The following AFG2A variants were observed in gnomAD, a reference collection of about 807,000 sequenced individuals.
The protein encoded by AFG2A is AAA ATPase AFG2A, also known as ATPase family gene 2 protein homolog A.
chr4:122,963,583 C>A, the AFG2A span, among the ~76,000 whole-genome samples: 1 of 152,108 alleles, frequency 6.6e-6, no homozygotes, highest in Non-Finnish European at 1.5e-5. Context: ...CCCAAGATCA[C>A]ACAGGTAATA....
the AFG2A span, among the ~76,000 whole-genome samples, chr4:123,139,358 T>C: frequency 6.6e-6 from 1 of 152,118 alleles, no homozygotes; most frequent in East Asian, 1.9e-4. Flanking sequence ...CCTGTAGTTT[T>C]GTTTTCTTTC....
chr4:122,982,496 G>A, the AFG2A span, among the ~76,000 whole-genome samples: 2 of 152,102 alleles, frequency 1.3e-5, no homozygotes, highest in Non-Finnish European at 2.9e-5. Context: ...ATTAATGCTG[G>A]CCTCATAAAG....
chr4:123,039,131 A>G, the AFG2A span, among the ~76,000 whole-genome samples: 455 of 152,212 alleles, frequency 3.0e-3, 2 homozygotes, highest in African/African-American at 1.0e-2. Flanking sequence ...AACAATGACC[A>G]TTTTTCCAGG....
At chr4:123,100,899 T>C in the AFG2A span, among the ~76,000 whole-genome samples, 1 of 152,112 alleles carries the variant, frequency 6.6e-6, no homozygotes, top group East Asian at 1.9e-4. Flanking sequence ...TTCCCAGATA[T>C]TCTTTTCTTT....
the AFG2A span, among the ~76,000 whole-genome samples, chr4:123,225,998 T>A: frequency 6.6e-6 from 1 of 152,196 alleles, no homozygotes; most frequent in Non-Finnish European, 1.5e-5. Context: ...TCACTCATGA[T>A]TTGGTTCTCT....
At chr4:122,930,565 A>G in the AFG2A span, among the ~76,000 whole-genome samples, 2 of 152,208 alleles carry the variant, frequency 1.3e-5, no homozygotes, top group African/African-American at 4.8e-5. Context: ...AGGAGACAAT[A>G]TGTTGAGTAC....
chr4:123,077,663 T>C, the AFG2A span, among the ~76,000 whole-genome samples: 1 of 152,210 alleles, frequency 6.6e-6, no homozygotes, highest in Non-Finnish European at 1.5e-5. Flanking sequence ...GGAATCCCAC[T>C]CTTGGTTAAC....
chr4:123,191,083 A>G, the AFG2A span, among the ~76,000 whole-genome samples: 1 of 152,186 alleles, frequency 6.6e-6, no homozygotes, highest in Non-Finnish European at 1.5e-5. Flanking sequence ...ATCAATTACA[A>G]GCAGTTTGGC....
chr4:123,028,954 A>C, the AFG2A span, among the ~76,000 whole-genome samples: 2 of 152,242 alleles, frequency 1.3e-5, no homozygotes, highest in African/African-American at 2.4e-5. Flanking sequence ...TTACTTTAGG[A>C]CCAGATATTA....
chr4:123,202,885 C>T, the AFG2A span, among the ~76,000 whole-genome samples: 8,553 of 152,094 alleles, frequency 0.056, 532 homozygotes, highest in African/African-American at 0.15. Flanking sequence ...CAGCTGGGCA[C>T]GATGGCTTGC....
the AFG2A span, among the ~76,000 whole-genome samples, chr4:123,194,537 C>G: frequency 6.6e-6 from 1 of 152,006 alleles, no homozygotes; most frequent in African/African-American, 2.4e-5. Flanking sequence ...TTTTAAAAAA[C>G]GTATTTTCTC....
chr4:123,221,139 A>T, the AFG2A span, among the ~76,000 whole-genome samples: 1 of 151,858 alleles, frequency 6.6e-6, no homozygotes, highest in East Asian at 1.9e-4. Context: ...TTCCAAATGG[A>T]GATGTGAGTT....
chr4:122,958,071 C>T, the AFG2A span, among the ~76,000 whole-genome samples: 1 of 151,930 alleles, frequency 6.6e-6, no homozygotes, highest in African/African-American at 2.4e-5. Context: ...CTCTTTTTTT[C>T]CACTCTTTGT....
chr4:123,296,801 T>A, the AFG2A span, among the ~76,000 whole-genome samples: 2 of 152,212 alleles, frequency 1.3e-5, no homozygotes, highest in Admixed American at 6.5e-5. Context: ...TTTCCCTAAG[T>A]GTTCACAATC....
chr4:123,193,716 G>A, the AFG2A span, among the ~76,000 whole-genome samples: 103,424 of 151,806 alleles, frequency 0.68, 35,703 homozygotes, highest in Non-Finnish European at 0.73. Flanking sequence ...TTCTTAATCA[G>A]AATGTGAAAA....
chr4:122,985,836 T>C, the AFG2A span, among the ~76,000 whole-genome samples: 1 of 151,664 alleles, frequency 6.6e-6, no homozygotes, highest in Non-Finnish European at 1.5e-5. Flanking sequence ...TTTGTTCTTG[T>C]TTCTCTAATT....
At chr4:123,004,359 G>A in the AFG2A span, among the ~76,000 whole-genome samples, 2 of 152,206 alleles carry the variant, frequency 1.3e-5, no homozygotes, top group Non-Finnish European at 2.9e-5. Context: ...AGATGAACCC[G>A]GTACCTCAGA....
chr4:123,263,327 T>G, the AFG2A span, among the ~76,000 whole-genome samples: 1 of 152,166 alleles, frequency 6.6e-6, no homozygotes, highest in Admixed American at 6.5e-5. Flanking sequence ...CAGCCCCTAT[T>G]TGCCCCCCTT....
At chr4:123,292,264 A>G in the AFG2A span, among the ~76,000 whole-genome samples, 2 of 152,216 alleles carry the variant, frequency 1.3e-5, no homozygotes, top group African/African-American at 4.8e-5. Flanking sequence ...TTCCATTCAT[A>G]TTCTAAATTG....
Sources: allele counts gnomAD v4.1 joint callset (sites outside exome capture counted in the v4.1 genomes callset), GRCh38; gene constraint gnomAD v4.1.1; transcripts MANE v1.5; gene names NCBI Gene and HGNC (gene_info 2026-07-23, HGNC 2026-07-21).